The following WDR36 variants were observed in gnomAD, a reference collection of about 807,000 sequenced individuals.
The protein encoded by WDR36 is WD repeat-containing protein 36.
WDR36 carries 63 observed loss-of-function variants against 112.7 expected under a neutral mutation model. The observed-to-expected ratio is 0.56, with a 90% CI of 0.46 to 0.69. The LOEUF (loss-of-function observed/expected upper bound fraction) is 0.69, where lower values mean the gene tolerates loss of function less well. Among genes scored for constraint, WDR36 ranks in the 30% least tolerant of loss-of-function variants. The pLI is 0.00. For synonymous variants in WDR36, 410 were observed against 362.2 expected, an observed-to-expected ratio of 1.13 and a Z score of -1.50; for missense variants, 1,226 against 1,070.3, an observed-to-expected ratio of 1.15 and a Z score of -2.03.
chr5:111,103,957 C>T, intron 7 of WDR36, 39 bp downstream of exon 7: 1 of 1,606,224 alleles, frequency 6.2e-7, no homozygotes, highest in Non-Finnish European at 8.5e-7. Context: ...GTTAAGAACA[C>T]TTAAAATTCA....
chr5:111,098,005 G>A (rs1332393505), intron 3 of WDR36, among the ~76,000 whole-genome samples: 1 of 152,182 alleles, frequency 6.6e-6, no homozygotes, highest in African/African-American at 2.4e-5. Flanking sequence ...ATTTACATGA[G>A]GAGACTTTAT....
chr5:111,092,760 A>G, intron 1 of WDR36, 142 bp downstream of exon 1: 1 of 1,149,916 alleles, frequency 8.7e-7, no homozygotes, highest in East Asian at 2.6e-5. Context: ...ATATTTCGCC[A>G]TCCGGTCACG....
rs559306601 is a variant in WDR36 at position 111,128,317 on chromosome 5, T to C, written c.*1434T>C. ...CAGTGATATCTTTTAATATTCATGT[T>C]TTTATTTAATGATGTAAGATAGAAT... On this transcript the variant is annotated 3_prime_UTR_variant, in exon 23 of 23. Transcript: ENST00000513710. 1.0e-4 allele frequency: 19 copies of C among 184,894 alleles called. No individual in the cohort carries two copies. Among genetic ancestry groups the C allele is most frequent in the Admixed American group, 2.5e-4 (4 of 16,024 alleles). The allele number at this position is 184,894 out of a possible 1,614,324, so 11.5% of individuals were successfully genotyped here. A position where few individuals can be genotyped will look rare whatever the true frequency, so the allele number is the denominator to read the frequency against.
intron 19 of WDR36, among the ~76,000 whole-genome samples, chr5:111,121,988 G>A (rs1753576706): frequency 6.6e-6 from 1 of 152,156 alleles, no homozygotes; most frequent in South Asian, 2.1e-4. Flanking sequence ...AATTATCCTT[G>A]TAACTAATAA....
At chr5:111,115,219 A>G (rs988158703) in intron 16 of WDR36, among the ~76,000 whole-genome samples, 3 of 152,246 alleles carry the variant, frequency 2.0e-5, no homozygotes, top group Admixed American at 2.0e-4. Flanking sequence ...GTATATTTTT[A>G]TTAAAGAAAA....
rs1404308660 is a variant in WDR36 at position 111,126,837 on chromosome 5, A to G, written c.2642A>G (p.Asn881Ser). The change falls in exon 23 of 23, where the codon AAT (asparagine) becomes AGT (serine). Residue 881 changes from asparagine to serine, a missense_variant. Physicochemically the swap from Asn to Ser is conservative, Grantham distance 46. Coordinates refer to ENST00000513710, the MANE Select transcript of WDR36 (RefSeq NM_139281.3). ...TGGACCCATTTGCAATCACTCTTCA[A>G]TCAAAGCATGTGTATTTTAAATTAT... Reference protein sequence around the residue: ...ENWTHLQSLFNQSMCILNYLK... With the variant: ...ENWTHLQSLFSQSMCILNYLK... The G allele has an allele frequency of 2.5e-6, 4 of 1,612,562 alleles. No homozygotes were observed. Among genetic ancestry groups the G allele is most frequent in the East Asian group, 4.5e-5 (2 of 44,816 alleles).
chr5:111,112,697 A>G (rs1365812800), intron 15 of WDR36, among the ~76,000 whole-genome samples: 1 of 151,988 alleles, frequency 6.6e-6, no homozygotes, highest in Non-Finnish European at 1.5e-5. Flanking sequence ...TAAAAGAGAA[A>G]AGATTTTTAA....
intron 1 of WDR36, among the ~76,000 whole-genome samples, chr5:111,093,604 C>T (rs553368657): frequency 5.3e-4 from 80 of 152,278 alleles, no homozygotes; most frequent in Non-Finnish European, 9.8e-4. Context: ...TTAGTGTTAC[C>T]ATTCTCTGCA....
At chr5:111,121,700 G>A (rs1201556633) in intron 19 of WDR36, among the ~76,000 whole-genome samples, 1 of 152,130 alleles carries the variant, frequency 6.6e-6, no homozygotes, top group Non-Finnish European at 1.5e-5. Context: ...CTTTGTCCTT[G>A]AGGAATTTAT....
chr5:111,123,983 CA>C, intron 20 of WDR36, 59 bp downstream of exon 20: 1 of 1,609,256 alleles, frequency 6.2e-7, no homozygotes. Flanking sequence ...GTGTTTTCTG[CA>C]CTTCTTTACC....
At chr5:111,116,013 G>A (rs1753447172) in intron 16 of WDR36, among the ~76,000 whole-genome samples, 1 of 151,918 alleles carries the variant, frequency 6.6e-6, no homozygotes, top group African/African-American at 2.4e-5. Flanking sequence ...TACGATCTCG[G>A]CTCAGTGCAA....
intron 19 of WDR36, among the ~76,000 whole-genome samples, chr5:111,122,895 A>G (rs1167489921): frequency 6.6e-6 from 1 of 152,112 alleles, no homozygotes; most frequent in African/African-American, 2.4e-5. Flanking sequence ...TGATCATTTG[A>G]GGTCAGGAGT....
intron 16 of WDR36, 55 bp from the exon 17 acceptor site, chr5:111,118,958 T>C: frequency 7.0e-7 from 1 of 1,432,898 alleles, no homozygotes; most frequent in Non-Finnish European, 9.8e-7. Context: ...TTTTTGTGAA[T>C]TATCTCCTTT....
intron 10 of WDR36, among the ~76,000 whole-genome samples, chr5:111,105,842 A>G (rs887073082): frequency 2.6e-5 from 4 of 151,708 alleles, no homozygotes; most frequent in Middle Eastern, 3.4e-3. Flanking sequence ...CTGTTCATGC[A>G]TGTATATAAA....
rs78725750 is a variant in WDR36 at position 111,107,712 on chromosome 5, G to C, written c.1326+273G>C. ...TCATTTTTTTACATGTGGATATCCA[G>C]TTGTCCCAGCACTATTTGTTCAAAA... On this transcript the variant is annotated intron_variant, in intron 12 of 22. Coordinates refer to ENST00000513710, the MANE Select transcript of WDR36 (RefSeq NM_139281.3). 2.7e-3 allele frequency among the ~76,000 whole-genome samples: 407 copies of C among 151,374 alleles called. 4 individuals carry two copies. In the East Asian group the frequency reaches 0.033, roughly 12 times the overall value.
At chr5:111,103,940 G>A in intron 7 of WDR36, 22 bp downstream of exon 7, 1 of 1,609,524 alleles carries the variant, frequency 6.2e-7, no homozygotes, top group Non-Finnish European at 8.5e-7. Flanking sequence ...CATACTTATT[G>A]ATAGGAGTTA....
In WDR36 at chr5:111,105,448, A is replaced by G. The variant is rs1753205594; in HGVS notation, c.1093+88A>G. The G allele has an allele frequency of 1.7e-5, 22 of 1,260,130 alleles. 1 individual carries two copies. In the East Asian group the frequency reaches 5.1e-4, roughly 29 times the overall value. 78.1% of individuals were successfully genotyped at this position (1,260,130 alleles called of 1,614,324 possible). A position where few individuals can be genotyped will look rare whatever the true frequency, so the allele number is the denominator to read the frequency against. On this transcript the variant is annotated intron_variant, in intron 10 of 22. Transcript: ENST00000513710. ...CAACTGGAGGAAGTTTCATCAATGC[A>G]TTTTATTTTTTCTTGGATGAACTAG...
intron 1 of WDR36, 30 bp downstream of exon 1, chr5:111,092,648 GA>G (rs1172528170): frequency 5.0e-6 from 8 of 1,600,844 alleles, no homozygotes; most frequent in Non-Finnish European, 6.8e-6. Context: ...AGCTTCCCAG[GA>G]AAACCACCCT....
rs1753619451 is a variant in WDR36, at chr5:111,123,832, A to G, written c.2176A>G (p.Lys726Glu). The G allele has an allele frequency of 1.2e-6, 2 of 1,613,758 alleles. No individual in the cohort carries two copies. Among genetic ancestry groups the G allele is most frequent in the South Asian group, 1.1e-5 (1 of 91,086 alleles). The stretch of plus-strand genomic sequence containing the variant: ...AAAGAATAAACCAAAGGAACCACCC[A>G]AAGTACCCAAATCAGCACCATTTTT... ...KKKNKPKEPP[K>E]VPKSAPFFIP... Residue 726 changes from lysine (K) to glutamate (E), a missense_variant, in exon 20 of 23, where the codon AAA becomes GAA. By Grantham distance (56) the Lys-to-Glu change is moderately conservative. Transcript: ENST00000513710.
Sources: gnomAD v4.1 joint callset for allele counts (sites outside exome capture counted in the v4.1 genomes callset) on GRCh38, gnomAD v4.1.1 for gene constraint, MANE v1.5 for transcripts, NCBI Gene and HGNC (gene_info 2026-07-23, HGNC 2026-07-21) for gene names.